Variants in TBC1D22A observed in about 807,000 individuals in gnomAD.
TBC1D22A encodes TBC1 domain family member 22A.
In TBC1D22A, 38 loss-of-function variants were observed where a neutral mutation model predicts 60.2. The observed-to-expected ratio is 0.63, with a 90% CI of 0.49 to 0.83. The LOEUF (loss-of-function observed/expected upper bound fraction) is 0.83, where lower values mean the gene tolerates loss of function less well. Among genes scored for constraint, TBC1D22A ranks in the 40% least tolerant of loss-of-function variants. TBC1D22A has a pLI of 0.00. For synonymous variants in TBC1D22A, 302 were observed against 281.7 expected, an observed-to-expected ratio of 1.07 and a Z score of -0.72; for missense variants, 628 against 701.0, an observed-to-expected ratio of 0.90 and a Z score of 1.18.
chr22:46,960,419 G>T (rs560788725), intron 8 of TBC1D22A, among the ~76,000 whole-genome samples: 1 of 151,752 alleles, frequency 6.6e-6, no homozygotes, highest in East Asian at 2.0e-4. Context: ...CCACCACCAC[G>T]CCCAGCTAAT....
At chr22:47,038,098 G>A (rs2062713917) in intron 11 of TBC1D22A, among the ~76,000 whole-genome samples, 1 of 152,166 alleles carries the variant, frequency 6.6e-6, no homozygotes, top group Admixed American at 6.5e-5. Flanking sequence ...AAGCGGAGGC[G>A]GTGCTGTGGG....
chr22:47,138,501 C>T (rs1056704409), intron 12 of TBC1D22A, among the ~76,000 whole-genome samples: 9 of 152,204 alleles, frequency 5.9e-5, no homozygotes, highest in Admixed American at 2.0e-4. Flanking sequence ...CTGTGTGTCC[C>T]GGCACAGCTT....
intron 12 of TBC1D22A, among the ~76,000 whole-genome samples, chr22:47,130,793 G>A (rs572290417): frequency 1.6e-4 from 24 of 152,248 alleles, no homozygotes; most frequent in South Asian, 4.1e-4. Flanking sequence ...ATTTGTTTCC[G>A]GAGTACCTAC....
At chr22:47,150,104 C>T (rs2067444523) in intron 12 of TBC1D22A, among the ~76,000 whole-genome samples, 1 of 152,160 alleles carries the variant, frequency 6.6e-6, no homozygotes, top group African/African-American at 2.4e-5. Context: ...TGCATTTCTC[C>T]AAGCCTGTTA....
At chr22:46,905,621 G>T (rs981263519) in intron 7 of TBC1D22A, among the ~76,000 whole-genome samples, 1 of 152,226 alleles carries the variant, frequency 6.6e-6, no homozygotes, top group African/African-American at 2.4e-5. Flanking sequence ...GGGCCTCTGG[G>T]GACTGAGCTG....
At chr22:46,772,644 CTTTTTTTTTT>C (rs75900312) in intron 1 of TBC1D22A, among the ~76,000 whole-genome samples, 1 of 110,932 alleles carries the variant, frequency 9.0e-6, no homozygotes, top group Non-Finnish European at 1.9e-5. Context: ...ATGCACCGCA[CTTTTTTTTTT>C]TTTTTTTTTT....
intron 10 of TBC1D22A, among the ~76,000 whole-genome samples, chr22:47,016,986 G>C (rs2061929531): frequency 6.6e-6 from 1 of 152,254 alleles, no homozygotes; most frequent in African/African-American, 2.4e-5. Flanking sequence ...GCTCAGGCCT[G>C]CGATGGTCGC....
chr22:46,878,803 C>A, intron 5 of TBC1D22A, 80 bp downstream of exon 5: 2 of 1,350,760 alleles, frequency 1.5e-6, no homozygotes, highest in Non-Finnish European at 2.1e-6. Context: ...TAGGGCCTGA[C>A]AGCCACAGCC....
intron 11 of TBC1D22A, among the ~76,000 whole-genome samples, chr22:47,079,833 A>G (rs1455939321): frequency 1.3e-5 from 2 of 152,206 alleles, no homozygotes; most frequent in African/African-American, 4.8e-5. Context: ...ATTAAAAGAT[A>G]GATTGTAAGA....
intron 10 of TBC1D22A, among the ~76,000 whole-genome samples, chr22:47,011,884 T>C (rs2061763509): frequency 6.6e-6 from 1 of 152,080 alleles, no homozygotes; most frequent in South Asian, 2.1e-4. Context: ...CCTGTAAAAG[T>C]GACAGAATAC....
intron 8 of TBC1D22A, 84 bp downstream of exon 8, chr22:46,912,272 T>G (rs918596050): frequency 1.0e-6 from 1 of 972,818 alleles, no homozygotes. Flanking sequence ...TATTGAAAAT[T>G]GCTACTAAGT....
chr22:47,135,031 C>T (rs1424574562), intron 12 of TBC1D22A, among the ~76,000 whole-genome samples: 1 of 152,248 alleles, frequency 6.6e-6, no homozygotes, highest in Non-Finnish European at 1.5e-5. Flanking sequence ...CATCGGGACC[C>T]CTCTTGCACC....
At chr22:47,169,401 C>T (rs74744394) in intron 12 of TBC1D22A, among the ~76,000 whole-genome samples, 356 of 152,332 alleles carry the variant, frequency 2.3e-3, no homozygotes, top group African/African-American at 8.3e-3. Flanking sequence ...CAGGCCCCAC[C>T]TCCCAGATCC....
chr22:46,944,585 A>T (rs529801281), intron 8 of TBC1D22A, among the ~76,000 whole-genome samples: 1 of 152,246 alleles, frequency 6.6e-6, no homozygotes, highest in African/African-American at 2.4e-5. Context: ...TTTTTAGTAG[A>T]GATGGGGTTT....
chr22:46,883,660 G>C (rs911668721), intron 5 of TBC1D22A, among the ~76,000 whole-genome samples: 5 of 152,154 alleles, frequency 3.3e-5, no homozygotes, highest in Non-Finnish European at 7.3e-5. Flanking sequence ...GTTGATGTCA[G>C]GCTGCCTACA....
intron 1 of TBC1D22A, among the ~76,000 whole-genome samples, chr22:46,765,869 C>T (rs2083264124): frequency 6.6e-6 from 1 of 151,528 alleles, no homozygotes; most frequent in Admixed American, 6.6e-5. Flanking sequence ...CTACCTCCAC[C>T]TCCTGGGTCC....
intron 6 of TBC1D22A, among the ~76,000 whole-genome samples, chr22:46,894,556 G>A (rs2068571578): frequency 6.6e-6 from 1 of 152,224 alleles, no homozygotes. Flanking sequence ...GATAGGGACA[G>A]TGTCAAGCAA....
intron 11 of TBC1D22A, among the ~76,000 whole-genome samples, chr22:47,057,490 ATG>A (rs1414023147): frequency 6.6e-6 from 1 of 152,200 alleles, no homozygotes; most frequent in Non-Finnish European, 1.5e-5. Context: ...CCAAGTGGAA[ATG>A]TGTATTAGTT....
chr22:46,793,742 C>A lies in TBC1D22A; in HGVS notation c.361C>A (p.Gln121Lys). The A allele has an allele frequency of 1.2e-6, 2 of 1,605,084 alleles. No homozygotes were observed. Among genetic ancestry groups the A allele is most frequent in the Non-Finnish European group, 1.7e-6 (2 of 1,177,394 alleles). ...CACGCTGCAGGAGGGGCCAGGGCTT[C>A]AGCAGAAGCCCAGGCCCGAGGCAGA... ...RPTLQEGPGL[Q>K]QKPRPEAEPP... Residue 121 changes from glutamine to lysine, a missense_variant, in exon 3 of 13, where the codon CAG becomes AAG. Coordinates refer to ENST00000337137, the MANE Select transcript of TBC1D22A (RefSeq NM_014346.5).
Sources: gnomAD v4.1 joint callset for allele counts (sites outside exome capture counted in the v4.1 genomes callset) on GRCh38, gnomAD v4.1.1 for gene constraint, MANE v1.5 for transcripts, NCBI Gene and HGNC (gene_info 2026-07-23, HGNC 2026-07-21) for gene names.